ZDHHC2: variants seen among roughly 807,000 people sequenced by gnomAD.
ZDHHC2 encodes zDHHC palmitoyltransferase 2.
Under a neutral mutation model 55.6 loss-of-function variants are expected in ZDHHC2, and 51 were observed. That is an observed-to-expected ratio of 0.92 (90% CI 0.73 to 1.16). ZDHHC2 has a LOEUF of 1.16. Ranked by LOEUF, ZDHHC2 falls within the 50% of genes most tolerant of loss-of-function variation. ZDHHC2 has a pLI of 0.00. For missense variants in ZDHHC2, 491 were observed against 442.4 expected (o/e 1.11, Z -0.99); for synonymous variants, 199 against 152.9 (o/e 1.30, Z -2.22).
chr8:17,193,002 G>A (rs565570104), intron 3 of ZDHHC2, among the ~76,000 whole-genome samples: 2 of 152,070 alleles, frequency 1.3e-5, no homozygotes, highest in South Asian at 4.1e-4. Flanking sequence ...TGCTATTTTG[G>A]TTACTGTGTA....
chr8:17,210,519 AT>A (rs781589093), intron 10 of ZDHHC2, 39 bp downstream of exon 10: 10 of 1,510,200 alleles, frequency 6.6e-6, no homozygotes, highest in Non-Finnish European at 9.0e-6. Context: ...TTCAAATAAG[AT>A]ATTTTACCAT....
intron 1 of ZDHHC2, among the ~76,000 whole-genome samples, chr8:17,179,919 G>A (rs1173554753): frequency 6.6e-6 from 1 of 152,220 alleles, no homozygotes; most frequent in African/African-American, 2.4e-5. Flanking sequence ...TATTATCATT[G>A]TAGGGCATGG....
intron 3 of ZDHHC2, among the ~76,000 whole-genome samples, chr8:17,194,566 G>A (rs1339845805): frequency 6.6e-6 from 1 of 151,700 alleles, no homozygotes; most frequent in African/African-American, 2.4e-5. Flanking sequence ...TATCACATGT[G>A]CATGTATCTC....
rs1807916375 is a variant in ZDHHC2, at chr8:17,221,489, A to G, written c.*1268A>G. On this transcript the variant is annotated 3_prime_UTR_variant, in exon 13 of 13. Coordinates refer to ENST00000262096, the MANE Select transcript of ZDHHC2 (RefSeq NM_016353.5). ...TTTTGATACTGATTTTGAGAATTTA[A>G]AGCAGATTACCTTTTAAAACTGGAC... 1 of 152,478 alleles carries G rather than the reference A, an allele frequency of 6.6e-6. No individual in the cohort carries two copies. Among genetic ancestry groups the G allele is most frequent in the Non-Finnish European group, 1.5e-5 (1 of 67,940 alleles). 9.4% of individuals were successfully genotyped at this position (152,478 alleles called of 1,614,324 possible).
rs559331041 is a variant in ZDHHC2 at position 17,190,263 on chromosome 8, AAAAAG to A, written c.252+3851_252+3855del. Among the ~76,000 whole-genome samples the A allele has an allele frequency of 1.8e-4, 28 of 151,970 alleles. No homozygotes were observed. In the South Asian group the frequency reaches 2.9e-3, roughly 16 times the overall value. Reference sequence around the variant, plus strand: ...AGATCGACACTCCGTCTCAAAAAAAAAAAAGAAAAGAAAAGAATATATACCAATAA... The same window carrying A: ...AGATCGACACTCCGTCTCAAAAAAAAAAAAGAAAAGAATATATACCAATAA... On this transcript the variant is annotated intron_variant, in intron 3 of 12. Transcript: ENST00000262096.
chr8:17,164,006 G>A (rs1804483820), intron 1 of ZDHHC2, among the ~76,000 whole-genome samples: 1 of 152,166 alleles, frequency 6.6e-6, no homozygotes, highest in African/African-American at 2.4e-5. Flanking sequence ...TCAAATGGCA[G>A]TAGTGAAAAG....
chr8:17,193,675 C>G (rs1806154399), intron 3 of ZDHHC2, among the ~76,000 whole-genome samples: 1 of 152,246 alleles, frequency 6.6e-6, no homozygotes, highest in African/African-American at 2.4e-5. Context: ...CATCACAGAT[C>G]CAAAGACTGC....
In ZDHHC2 at chr8:17,221,322, T is replaced by C. The variant is rs1807908036; in HGVS notation, c.*1101T>C. ...AAATTTAGTTTGAGATAAACTAAAG[T>C]GTGTTGATGCCAGAATGTTCAGCTT... On this transcript the variant is annotated 3_prime_UTR_variant, in exon 13 of 13. Transcript: ENST00000262096. The C allele has an allele frequency of 6.6e-6, 1 of 152,552 alleles. No homozygotes were observed. Among genetic ancestry groups the C allele is most frequent in the African/African-American group, 2.4e-5 (1 of 41,452 alleles). The allele number at this position is 152,552 out of a possible 1,614,324, so 9.4% of individuals were successfully genotyped here.
chr8:17,161,517 A>G (rs1209698517), intron 1 of ZDHHC2, among the ~76,000 whole-genome samples: 5 of 152,242 alleles, frequency 3.3e-5, no homozygotes, highest in Non-Finnish European at 7.3e-5. Flanking sequence ...GCACATCCAT[A>G]GAAAACTGAT....
chr8:17,200,582 A>G (rs548745959), intron 6 of ZDHHC2, among the ~76,000 whole-genome samples: 18 of 152,338 alleles, frequency 1.2e-4, no homozygotes, highest in Middle Eastern at 3.4e-3. Flanking sequence ...GTACATACCT[A>G]TAAAGCTTCC....
At chr8:17,175,519 AACTCCT>A (rs1177634437) in intron 1 of ZDHHC2, among the ~76,000 whole-genome samples, 1 of 152,182 alleles carries the variant, frequency 6.6e-6, no homozygotes, top group Non-Finnish European at 1.5e-5. Context: ...AACTTTAGGA[AACTCCT>A]ACTCCTAACA....
At chr8:17,192,989 C>G (rs979721666) in intron 3 of ZDHHC2, among the ~76,000 whole-genome samples, 16 of 152,098 alleles carry the variant, frequency 1.1e-4, no homozygotes, top group African/African-American at 3.9e-4. Flanking sequence ...TATGCCAGTA[C>G]CATGCTATTT....
At chr8:17,203,194 G>T (rs1806900259) in intron 6 of ZDHHC2, among the ~76,000 whole-genome samples, 2 of 150,226 alleles carry the variant, frequency 1.3e-5, no homozygotes, top group Non-Finnish European at 3.0e-5. Flanking sequence ...CGAGTAGCTG[G>T]GATTACAGAC....
At chr8:17,192,637 A>G (rs985007749) in intron 3 of ZDHHC2, among the ~76,000 whole-genome samples, 19 of 152,034 alleles carry the variant, frequency 1.2e-4, no homozygotes, top group Non-Finnish European at 1.8e-4. Flanking sequence ...ATGTGATCCC[A>G]TTTGTCCACT....
chr8:17,171,072 A>G (rs1230399213), intron 1 of ZDHHC2, among the ~76,000 whole-genome samples: 1 of 152,136 alleles, frequency 6.6e-6, no homozygotes, highest in African/African-American at 2.4e-5. Flanking sequence ...CCATAGACTT[A>G]CATGGTTCTA....
intron 3 of ZDHHC2, among the ~76,000 whole-genome samples, chr8:17,194,780 C>A (rs1195003282): frequency 6.6e-6 from 1 of 152,064 alleles, no homozygotes; most frequent in Non-Finnish European, 1.5e-5. Flanking sequence ...TATCCATCAT[C>A]CTTTTGATGT....
rs537904433 is a variant in ZDHHC2 at position 17,184,861 on chromosome 8, A to G, written c.157+46A>G. Reference sequence around the variant, plus strand: ...GTTATAGATTTTTTAAATAGTTTGAAAAAAAATTGTATTCACTTAGATTTG... The same window carrying G: ...GTTATAGATTTTTTAAATAGTTTGAGAAAAAATTGTATTCACTTAGATTTG... On this transcript the variant is annotated intron_variant, in intron 2 of 12. Coordinates refer to ENST00000262096, the MANE Select transcript of ZDHHC2 (RefSeq NM_016353.5). 112 of 1,467,166 alleles carry G rather than the reference A, an allele frequency of 7.6e-5. No individual in the cohort carries two copies. In the African/African-American group the frequency reaches 1.3e-3, roughly 17 times the overall value. The allele number at this position is 1,467,166 out of a possible 1,614,324, so 90.9% of individuals were successfully genotyped here. A position where few individuals can be genotyped will look rare whatever the true frequency, so the allele number is the denominator to read the frequency against.
intron 8 of ZDHHC2, 68 bp from the exon 9 acceptor site, chr8:17,209,864 G>C: frequency 6.8e-7 from 1 of 1,470,554 alleles, no homozygotes; most frequent in Non-Finnish European, 9.0e-7. Flanking sequence ...TTCAATTATT[G>C]ATAAATATTC....
intron 4 of ZDHHC2, among the ~76,000 whole-genome samples, chr8:17,195,828 A>G (rs547019289): frequency 6.6e-6 from 1 of 152,118 alleles, no homozygotes; most frequent in Admixed American, 6.5e-5. Flanking sequence ...AGAGATCGCA[A>G]GGAAATCAGA....
Sources: gnomAD v4.1 joint callset for allele counts (sites outside exome capture counted in the v4.1 genomes callset) on GRCh38, gnomAD v4.1.1 for gene constraint, MANE v1.5 for transcripts, NCBI Gene and HGNC (gene_info 2026-07-23, HGNC 2026-07-21) for gene names.